Variants in SLC25A26 observed in about 807,000 individuals in gnomAD.
SLC25A26 encodes mitochondrial S-adenosylmethionine carrier protein.
In SLC25A26, 36 loss-of-function variants were observed where a neutral mutation model predicts 37.8. That is an observed-to-expected ratio of 0.95 (90% CI 0.73 to 1.26). The LOEUF (loss-of-function observed/expected upper bound fraction) is 1.26, where lower values mean the gene tolerates loss of function less well. SLC25A26 is among the 50% of genes most tolerant of loss of function. SLC25A26 has a pLI of 0.00. For synonymous variants in SLC25A26, 129 were observed against 122.5 expected, an observed-to-expected ratio of 1.05 and a Z score of -0.35; for missense variants, 390 against 331.1, an observed-to-expected ratio of 1.18 and a Z score of -1.38.
intron 6 of SLC25A26, among the ~76,000 whole-genome samples, chr3:66,348,457 A>G (rs1395380837): frequency 6.6e-6 from 1 of 152,200 alleles, no homozygotes; most frequent in African/African-American, 2.4e-5. Context: ...CCCTTGTTCT[A>G]GTGAAAATGG....
At chr3:66,330,373 C>T (rs1413957782) in intron 5 of SLC25A26, among the ~76,000 whole-genome samples, 1 of 152,058 alleles carries the variant, frequency 6.6e-6, no homozygotes, top group African/African-American at 2.4e-5. Context: ...GACAACAGGT[C>T]AGCCAGAATT....
intron 1 of SLC25A26, among the ~76,000 whole-genome samples, chr3:66,186,387 A>G (rs2070828082): frequency 1.3e-5 from 2 of 151,828 alleles, no homozygotes; most frequent in East Asian, 3.9e-4. Flanking sequence ...CTTAAATGAA[A>G]TCTGACCATG....
intron 5 of SLC25A26, among the ~76,000 whole-genome samples, chr3:66,296,968 A>G (rs766616417): frequency 6.6e-6 from 1 of 152,208 alleles, no homozygotes; most frequent in African/African-American, 2.4e-5. Context: ...CCATGTGACA[A>G]GAGTCCAGAT....
chr3:66,354,997 A>G (rs2076543309), intron 6 of SLC25A26, among the ~76,000 whole-genome samples: 1 of 152,182 alleles, frequency 6.6e-6, no homozygotes, highest in Non-Finnish European at 1.5e-5. Context: ...GTATGTCTTC[A>G]TCAGCGATGT....
chr3:66,166,671 T>G (rs1248974939), intron 1 of SLC25A26, among the ~76,000 whole-genome samples: 1 of 152,196 alleles, frequency 6.6e-6, no homozygotes, highest in East Asian at 1.9e-4. Context: ...ATTTGTAGCT[T>G]TTGTCAGCTT....
At chr3:66,270,859 C>T (rs2073932854) in intron 5 of SLC25A26, among the ~76,000 whole-genome samples, 1 of 152,196 alleles carries the variant, frequency 6.6e-6, no homozygotes, top group African/African-American at 2.4e-5. Flanking sequence ...CATAGTTTCT[C>T]ATGTTTCGTT....
chr3:66,149,173 C>T (rs527934148), intron 1 of SLC25A26, among the ~76,000 whole-genome samples: 15 of 152,170 alleles, frequency 9.9e-5, no homozygotes, highest in African/African-American at 3.6e-4. Context: ...CAAGGAGTGA[C>T]ATGGACTCTA....
intron 1 of SLC25A26, among the ~76,000 whole-genome samples, chr3:66,188,102 T>C (rs1398784314): frequency 2.0e-5 from 3 of 152,086 alleles, no homozygotes; most frequent in Non-Finnish European, 4.4e-5. Flanking sequence ...TCTCACTCAC[T>C]GTAATCTTGA....
intron 1 of SLC25A26, among the ~76,000 whole-genome samples, chr3:66,161,619 C>T (rs548991496): frequency 2.6e-5 from 4 of 152,332 alleles, no homozygotes; most frequent in East Asian, 1.9e-4. Context: ...GAAAATGCGA[C>T]TCCAAATTCA....
chr3:66,140,590 A>T (rs1157763760), intron 1 of SLC25A26, among the ~76,000 whole-genome samples: 2 of 152,204 alleles, frequency 1.3e-5, no homozygotes, highest in African/African-American at 4.8e-5. Context: ...AATGTCCGTA[A>T]ATCTGTTCAT....
At chr3:66,347,104 A>G (rs2076344195) in intron 6 of SLC25A26, among the ~76,000 whole-genome samples, 2 of 152,188 alleles carry the variant, frequency 1.3e-5, no homozygotes, top group African/African-American at 2.4e-5. Context: ...AATTGCAACA[A>G]AAGCCAAAAT....
intron 5 of SLC25A26, among the ~76,000 whole-genome samples, chr3:66,301,623 A>C (rs2075078309): frequency 6.6e-6 from 1 of 152,230 alleles, no homozygotes; most frequent in Non-Finnish European, 1.5e-5. Context: ...TTTGGGAAAA[A>C]TGCTTCCATT....
intron 5 of SLC25A26, among the ~76,000 whole-genome samples, chr3:66,285,949 G>T (rs1397301431): frequency 1.3e-5 from 2 of 152,166 alleles, no homozygotes; most frequent in African/African-American, 2.4e-5. Flanking sequence ...TTAATTTTCA[G>T]TTCCCTAATG....
Position 66,190,066 on chromosome 3 carries a change from C to G in SLC25A26, c.-353-30676C>G, listed in dbSNP as rs1028414385. Reference sequence around the variant, plus strand: ...GTGGCTCAGGCCTGGAATCCCGGCACTTTGGGAGGCCGAGGCAGGTGGATT... The same window carrying G: ...GTGGCTCAGGCCTGGAATCCCGGCAGTTTGGGAGGCCGAGGCAGGTGGATT... On this transcript the variant is annotated intron_variant, in intron 1 of 10. Coordinates refer to the SLC25A26 transcript ENST00000676754. Among the ~76,000 whole-genome samples the G allele has an allele frequency of 3.4e-3, 524 of 152,246 alleles. 5 individuals carry two copies. Among genetic ancestry groups the G allele is most frequent in the African/African-American group, 0.012 (483 of 41,554 alleles).
At chr3:66,248,903 T>G (rs112641214) in intron 3 of SLC25A26, among the ~76,000 whole-genome samples, 171 of 152,306 alleles carry the variant, frequency 1.1e-3, no homozygotes, top group Middle Eastern at 0.01. Context: ...TTCCTGTATT[T>G]TAAACACAAT....
intron 3 of SLC25A26, among the ~76,000 whole-genome samples, chr3:66,247,298 T>G (rs9824119): frequency 0.034 from 5,240 of 151,904 alleles, 313 homozygotes; most frequent in African/African-American, 0.12. Flanking sequence ...CACACACAAA[T>G]GCACACACAC....
intron 5 of SLC25A26, among the ~76,000 whole-genome samples, chr3:66,326,226 G>A (rs1304946631): frequency 6.6e-6 from 1 of 152,174 alleles, no homozygotes; most frequent in South Asian, 2.1e-4. Context: ...CTGTGAAATA[G>A]CTATGTGGAG....
At chr3:66,306,704 G>T (rs1292684398) in intron 5 of SLC25A26, among the ~76,000 whole-genome samples, 1 of 151,904 alleles carries the variant, frequency 6.6e-6, no homozygotes, top group Non-Finnish European at 1.5e-5. Flanking sequence ...CCCCTCCCTG[G>T]GTCCATGTGT....
intron 5 of SLC25A26, among the ~76,000 whole-genome samples, chr3:66,300,916 T>G (rs1292596523): frequency 6.6e-6 from 1 of 152,224 alleles, no homozygotes; most frequent in Non-Finnish European, 1.5e-5. Flanking sequence ...CAATTTAAAA[T>G]TCTACTTAAA....
Sources: allele counts gnomAD v4.1 joint callset (sites outside exome capture counted in the v4.1 genomes callset), GRCh38; gene constraint gnomAD v4.1.1; transcripts MANE v1.5; gene names NCBI Gene and HGNC (gene_info 2026-07-23, HGNC 2026-07-21).